Variants in MCU observed in about 807,000 individuals in gnomAD.
MCU encodes the protein mitochondrial calcium uniporter.
In MCU, 12 loss-of-function variants were observed where a neutral mutation model predicts 45.2. The observed-to-expected ratio is 0.27, with a 90% CI of 0.17 to 0.43. MCU has a LOEUF of 0.43. Among genes scored for constraint, MCU ranks in the 20% least tolerant of loss-of-function variants. The probability of loss-of-function intolerance (pLI) is 1.00; values close to 1 mark genes in which losing one functional copy is unlikely to be tolerated. For missense variants in MCU, 324 were observed against 436.7 expected (o/e 0.74, Z 2.30); for synonymous variants, 160 against 165.1 (o/e 0.97, Z 0.24).
intron 1 of MCU, among the ~76,000 whole-genome samples, chr10:72,700,543 T>C (rs898626784): frequency 2.0e-5 from 3 of 152,248 alleles, no homozygotes; most frequent in African/African-American, 7.2e-5. Flanking sequence ...AAATGAAAGT[T>C]GGCTTCAAGC....
In MCU at chr10:72,707,129, C is replaced by T. The variant is rs577386524; in HGVS notation, c.150+14828C>T. ...ACAGGTGTGAGCCACCACACCTGGG[C>T]GGACTGCAATATCTTCTCTACCAGA... On this transcript the variant is annotated intron_variant, in intron 1 of 7. Coordinates refer to ENST00000373053, the MANE Select transcript of MCU (RefSeq NM_138357.3). Among the ~76,000 whole-genome samples, 11 of 151,204 alleles carry T rather than the reference C, an allele frequency of 7.3e-5. No individual in the cohort carries two copies. In the South Asian group the frequency reaches 1.0e-3, roughly 14 times the overall value.
chr10:72,793,603 A>G (rs1844200299), intron 1 of MCU, among the ~76,000 whole-genome samples: 2 of 152,030 alleles, frequency 1.3e-5, no homozygotes, highest in African/African-American at 4.8e-5. Flanking sequence ...CTTGCTTGGA[A>G]TATCTCATAT....
At chr10:72,777,016 A>G (rs959469566) in intron 1 of MCU, among the ~76,000 whole-genome samples, 2 of 152,188 alleles carry the variant, frequency 1.3e-5, no homozygotes, top group Admixed American at 1.3e-4. Flanking sequence ...TAAAAGATCA[A>G]GGAAAACTAT....
chr10:72,870,636 T>C (rs987567517), intron 5 of MCU, among the ~76,000 whole-genome samples: 3 of 152,224 alleles, frequency 2.0e-5, no homozygotes, highest in Non-Finnish European at 1.5e-5. Flanking sequence ...AAGTTAATGG[T>C]GATTTGCAGA....
At chr10:72,715,160 C>T in intron 1 of MCU, 3 of 985,588 alleles carry the variant, frequency 3.0e-6, no homozygotes, top group Non-Finnish European at 3.6e-6. Flanking sequence ...GTTTCTACCT[C>T]ACTCTCCATG....
At chr10:72,824,321 C>G (rs181197973) in intron 1 of MCU, among the ~76,000 whole-genome samples, 1 of 151,404 alleles carries the variant, frequency 6.6e-6, no homozygotes, top group Non-Finnish European at 1.5e-5. Context: ...CTCAGCCTCC[C>G]GAGTAGCTGG....
intron 1 of MCU, among the ~76,000 whole-genome samples, chr10:72,726,569 AC>A (rs1318261751): frequency 1.3e-5 from 2 of 152,022 alleles, no homozygotes; most frequent in African/African-American, 4.8e-5. Context: ...ATATACAGGT[AC>A]GTTTATGAGA....
At chr10:72,737,210 G>A (rs1843263375) in intron 1 of MCU, among the ~76,000 whole-genome samples, 1 of 152,214 alleles carries the variant, frequency 6.6e-6, no homozygotes, top group Non-Finnish European at 1.5e-5. Flanking sequence ...ATATGGTAGT[G>A]TCTTTGAGGT....
intron 1 of MCU, among the ~76,000 whole-genome samples, chr10:72,740,195 A>G (rs1328584910): frequency 6.6e-6 from 1 of 151,844 alleles, no homozygotes; most frequent in African/African-American, 2.4e-5. Flanking sequence ...TCTGGCCAAC[A>G]TGATGAAACC....
rs200918346 is a variant in MCU at position 72,875,962 on chromosome 10, T to A, written c.861+4382T>A. Among the ~76,000 whole-genome samples, 48 of 152,286 alleles carry A rather than the reference T, an allele frequency of 3.2e-4. No individual in the cohort carries two copies. The East Asian group carries it at 8.7e-3, about 28-fold the overall frequency. ...TCTTGGGGAGTAAAAACATATTGCA[T>A]ATTATAATGCATAAACAGATAAACA... On this transcript the variant is annotated intron_variant, in intron 6 of 7. Transcript: ENST00000373053.
chr10:72,699,430 C>T (rs957952551), intron 1 of MCU, among the ~76,000 whole-genome samples: 1 of 151,924 alleles, frequency 6.6e-6, no homozygotes, highest in Admixed American at 6.6e-5. Context: ...TTGCTTGAAT[C>T]CGGGAGACGG....
intron 1 of MCU, among the ~76,000 whole-genome samples, chr10:72,716,342 C>T (rs1229228439): frequency 6.6e-6 from 1 of 152,186 alleles, no homozygotes; most frequent in African/African-American, 2.4e-5. Context: ...AAAGTCAAGA[C>T]CTGTGTCATA....
intron 2 of MCU, among the ~76,000 whole-genome samples, chr10:72,857,111 C>T (rs1845305084): frequency 6.6e-6 from 1 of 151,854 alleles, no homozygotes; most frequent in South Asian, 2.1e-4. Flanking sequence ...CACATCTGGT[C>T]AACTTTTGAT....
chr10:72,793,396 G>A lies in MCU; in HGVS notation c.151-40963G>A, dbSNP rs553814948. 1.3e-4 allele frequency among the ~76,000 whole-genome samples: 20 copies of A among 152,166 alleles called. No individual in the cohort carries two copies. The East Asian group carries it at 3.5e-3, about 26-fold the overall frequency. On this transcript the variant is annotated intron_variant, in intron 1 of 7. Coordinates refer to ENST00000373053, the MANE Select transcript of MCU (RefSeq NM_138357.3). The stretch of plus-strand genomic sequence containing the variant: ...ATTTTTATAGAAGCCCAGTAGTTTC[G>A]GACCACTTACTGAATAGGCAAACAG...
chr10:72,759,941 A>C (rs2132721245), intron 1 of MCU, among the ~76,000 whole-genome samples: 1 of 152,280 alleles, frequency 6.6e-6, no homozygotes, highest in African/African-American at 2.4e-5. Context: ...AACTGTGAGA[A>C]AATAAATTTC....
chr10:72,761,210 A>C (rs1843652131), intron 1 of MCU, among the ~76,000 whole-genome samples: 1 of 152,214 alleles, frequency 6.6e-6, no homozygotes, highest in Non-Finnish European at 1.5e-5. Flanking sequence ...TCCATTTTTA[A>C]ACCTGTGTAA....
At chr10:72,805,101 C>CTCTTTCTTTCTT (rs1161181455) in intron 1 of MCU, among the ~76,000 whole-genome samples, 14,689 of 103,216 alleles carry the variant, frequency 0.14, 1,630 homozygotes, top group Non-Finnish European at 0.16. Flanking sequence ...TTCTTTCTTT[C>CTCTTTCTTTCTT]TCTTTCTTTC....
At chr10:72,749,399 A>G (rs953487890) in intron 1 of MCU, among the ~76,000 whole-genome samples, 2 of 152,238 alleles carry the variant, frequency 1.3e-5, no homozygotes, top group African/African-American at 4.8e-5. Context: ...TAAGGTATTT[A>G]CTAGAGTGTG....
In MCU at chr10:72,812,214, T is replaced by C. The variant is rs533946390; in HGVS notation, c.151-22145T>C. Reference sequence around the variant, plus strand: ...CAGGCTAGAGTGCAGTGGTGTGATCTCGGCTCACTGCAGCCTCCACTGCCC... The same window carrying C: ...CAGGCTAGAGTGCAGTGGTGTGATCCCGGCTCACTGCAGCCTCCACTGCCC... On this transcript the variant is annotated intron_variant, in intron 1 of 7. Coordinates refer to ENST00000373053, the MANE Select transcript of MCU (RefSeq NM_138357.3). 3.3e-5 allele frequency among the ~76,000 whole-genome samples: 5 copies of C among 151,730 alleles called. No homozygotes were observed. In the South Asian group the frequency reaches 1.0e-3, roughly 32 times the overall value.
Sources: gnomAD v4.1 joint callset for allele counts (sites outside exome capture counted in the v4.1 genomes callset) on GRCh38, gnomAD v4.1.1 for gene constraint, MANE v1.5 for transcripts, NCBI Gene and HGNC (gene_info 2026-07-23, HGNC 2026-07-21) for gene names.